THSD7A: variants seen among roughly 807,000 people sequenced by gnomAD.
The protein encoded by THSD7A is thrombospondin type-1 domain-containing protein 7A.
Under a neutral mutation model 231.3 loss-of-function variants are expected in THSD7A, and 96 were observed. The observed-to-expected ratio is 0.41, with a 90% confidence interval of 0.35 to 0.49. The LOEUF (loss-of-function observed/expected upper bound fraction) is 0.49, where lower values mean the gene tolerates loss of function less well. THSD7A is among the 20% of genes least tolerant of loss of function. The pLI is 0.05. For missense variants in THSD7A, 2,290 were observed against 2,070.2 expected, an observed-to-expected ratio of 1.11 and a Z score of -2.06; for synonymous variants, 940 against 743.3, an observed-to-expected ratio of 1.26 and a Z score of -4.30.
intron 2 of THSD7A, among the ~76,000 whole-genome samples, chr7:11,599,815 C>T (rs1780489376): frequency 1.3e-5 from 2 of 150,154 alleles, no homozygotes; most frequent in African/African-American, 4.9e-5. Context: ...GAGGGTGTTG[C>T]CAAAGGAGAT....
At position 11,825,798 on chromosome 7, in the gene THSD7A, C is replaced by T. The variant is rs79374221; in HGVS notation, c.190+5959G>A. Among the ~76,000 whole-genome samples the T allele has an allele frequency of 7.0e-3, 1,068 of 152,218 alleles. 83 individuals are homozygous for T. The East Asian group carries it at 0.16, about 23-fold the overall frequency. On this transcript the variant is annotated intron_variant, in intron 1 of 27. Coordinates refer to ENST00000423059, the MANE Select transcript of THSD7A (RefSeq NM_015204.3). ...ATCCATGATGCCCCAGATTGATTAA[C>T]GCTGACGCTCATGCTCTGTCTACCC... is the stretch of plus-strand genomic sequence containing the variant.
chr7:11,659,265 CT>C (rs1330307443), intron 1 of THSD7A, among the ~76,000 whole-genome samples: 1 of 151,608 alleles, frequency 6.6e-6, no homozygotes, highest in Non-Finnish European at 1.5e-5. Flanking sequence ...CACCTATTCA[CT>C]TTTGTCCACT....
chr7:11,647,110 G>A (rs1478875555), intron 1 of THSD7A, among the ~76,000 whole-genome samples: 3 of 151,992 alleles, frequency 2.0e-5, no homozygotes, highest in Non-Finnish European at 4.4e-5. Flanking sequence ...CACATAGGCG[G>A]TTCCTGATAT....
Position 11,593,236 on chromosome 7 carries a change from C to G in THSD7A, c.1271+18G>C, listed in dbSNP as rs1376064765. The G allele has an allele frequency of 1.2e-6, 2 of 1,612,706 alleles. No homozygotes were observed. Among genetic ancestry groups the G allele is most frequent in the African/African-American group, 2.7e-5 (2 of 74,846 alleles). The stretch of plus-strand genomic sequence containing the variant: ...AATGTAGTTTCGGCAGACGCTATAC[C>G]CTTCTTTATTTACTCACGTGGCACA... On this transcript the variant is annotated intron_variant, in intron 3 of 27. Coordinates refer to ENST00000423059, the MANE Select transcript of THSD7A (RefSeq NM_015204.3).
chr7:11,477,287 C>G (rs930838569), intron 7 of THSD7A, among the ~76,000 whole-genome samples: 1 of 152,164 alleles, frequency 6.6e-6, no homozygotes, highest in Non-Finnish European at 1.5e-5. Flanking sequence ...TGTACAATGT[C>G]TTCCAATTAG....
chr7:11,752,942 ATC>A (rs1782550643), intron 1 of THSD7A, among the ~76,000 whole-genome samples: 1 of 151,888 alleles, frequency 6.6e-6, no homozygotes, highest in Non-Finnish European at 1.5e-5. Flanking sequence ...CAATCAATCA[ATC>A]AATCAATCAA....
chr7:11,744,355 AT>A (rs1383317180), intron 1 of THSD7A, among the ~76,000 whole-genome samples: 1 of 151,866 alleles, frequency 6.6e-6, no homozygotes, highest in African/African-American at 2.4e-5. Flanking sequence ...TAACAGATTT[AT>A]TTGTTTTCAC....
intron 4 of THSD7A, among the ~76,000 whole-genome samples, chr7:11,565,126 C>A (rs1790252780): frequency 6.6e-6 from 1 of 152,124 alleles, no homozygotes; most frequent in Non-Finnish European, 1.5e-5. Flanking sequence ...GTTATTGACT[C>A]AAATTCTCAC....
At position 11,461,944 on chromosome 7, in the gene THSD7A, T is replaced by A. The variant is rs1462884825; in HGVS notation, c.2501+67A>T. The A allele has an allele frequency of 9.0e-6, 14 of 1,552,140 alleles. No homozygotes were observed. The Admixed American group carries it at 1.2e-4, about 14-fold the overall frequency. On this transcript the variant is annotated intron_variant, in intron 10 of 27. Transcript: ENST00000423059. ...CAGTGTTGACTTCCTTTCCTTATCC[T>A]AGGAAAGGATGTGGAGTTGACGTAT...
intron 4 of THSD7A, among the ~76,000 whole-genome samples, chr7:11,548,600 C>T (rs959293350): frequency 3.3e-5 from 5 of 152,014 alleles, no homozygotes; most frequent in African/African-American, 1.2e-4. Context: ...AACATAGATG[C>T]AAAAATCCTC....
At chr7:11,569,771 C>T (rs1168138193) in intron 4 of THSD7A, among the ~76,000 whole-genome samples, 2 of 152,160 alleles carry the variant, frequency 1.3e-5, no homozygotes, top group African/African-American at 2.4e-5. Flanking sequence ...TTGGAATTAA[C>T]CTAGGTGTCC....
At chr7:11,465,493 T>A (rs1369345514) in intron 9 of THSD7A, among the ~76,000 whole-genome samples, 1 of 152,028 alleles carries the variant, frequency 6.6e-6, no homozygotes, top group Non-Finnish European at 1.5e-5. Flanking sequence ...GTTATAGCAT[T>A]TTTTCAGATA....
intron 1 of THSD7A, among the ~76,000 whole-genome samples, chr7:11,816,744 G>A (rs1784715420): frequency 6.7e-6 from 1 of 150,298 alleles, no homozygotes; most frequent in South Asian, 2.1e-4. Context: ...TGAAAAAAGT[G>A]TATAATTGCA....
intron 1 of THSD7A, among the ~76,000 whole-genome samples, chr7:11,736,200 A>G (rs2128159184): frequency 6.6e-6 from 1 of 152,208 alleles, no homozygotes; most frequent in East Asian, 1.9e-4. Context: ...CTAAATTTAT[A>G]GAAGTATCTA....
chr7:11,764,351 G>A (rs560730570), intron 1 of THSD7A, among the ~76,000 whole-genome samples: 4 of 152,140 alleles, frequency 2.6e-5, no homozygotes, highest in Non-Finnish European at 5.9e-5. Flanking sequence ...GGAGGCCGAG[G>A]CGGGTGGATC....
intron 1 of THSD7A, among the ~76,000 whole-genome samples, chr7:11,665,810 A>G (rs1348985713): frequency 3.9e-5 from 6 of 152,112 alleles, no homozygotes; most frequent in African/African-American, 1.4e-4. Context: ...TAAAGTTACT[A>G]ATACAAAATA....
chr7:11,378,953 C>T, intron 26 of THSD7A, 117 bp downstream of exon 26: 2 of 882,170 alleles, frequency 2.3e-6, no homozygotes, highest in Non-Finnish European at 3.5e-6. Context: ...AGAATAAATG[C>T]ATGTAGATAA....
At chr7:11,504,337 G>T (rs1457672006) in intron 6 of THSD7A, among the ~76,000 whole-genome samples, 6 of 152,018 alleles carry the variant, frequency 3.9e-5, no homozygotes, top group Non-Finnish European at 8.8e-5. Context: ...AAGGAGAGGA[G>T]CAGAAAAGTT....
chr7:11,496,647 C>T (rs1286353153), intron 6 of THSD7A, among the ~76,000 whole-genome samples: 2 of 152,108 alleles, frequency 1.3e-5, no homozygotes. Context: ...TTCCAAGGGC[C>T]AGGAGCCTGT....
Sources: gnomAD v4.1 joint callset for allele counts (sites outside exome capture counted in the v4.1 genomes callset) on GRCh38, gnomAD v4.1.1 for gene constraint, MANE v1.5 for transcripts, NCBI Gene and HGNC (gene_info 2026-07-23, HGNC 2026-07-21) for gene names.